Variants in LAP3 observed in about 807,000 individuals in gnomAD.
LAP3 encodes the protein cytosol aminopeptidase.
In LAP3, 46 loss-of-function variants were observed where a neutral mutation model predicts 58.8. The observed-to-expected ratio is 0.78, with a 90% CI of 0.62 to 1.00. The LOEUF (loss-of-function observed/expected upper bound fraction) is 1.00, where lower values mean the gene tolerates loss of function less well. Among genes scored for constraint, LAP3 ranks in the 50% least tolerant of loss-of-function variants. The pLI is 0.00. For synonymous variants in LAP3, 257 were observed against 237.7 expected (o/e 1.08, Z -0.75); for missense variants, 615 against 659.1 (o/e 0.93, Z 0.73).
chr4:17,601,393 T>A (rs1577225223), intron 10 of LAP3, among the ~76,000 whole-genome samples: 1 of 152,336 alleles, frequency 6.6e-6, no homozygotes, highest in East Asian at 1.9e-4. Context: ...GTCTGCCATT[T>A]TTTATTACTT....
intron 6 of LAP3, among the ~76,000 whole-genome samples, chr4:17,586,676 G>A (rs150581290): frequency 6.6e-5 from 10 of 152,278 alleles, no homozygotes; most frequent in African/African-American, 2.4e-4. Context: ...AGAATATGAA[G>A]CTGCTGGTGC....
At chr4:17,583,786 A>G in intron 5 of LAP3, 144 bp downstream of exon 5, 1 of 831,966 alleles carries the variant, frequency 1.2e-6, no homozygotes. Context: ...CCATTTTAAT[A>G]ATGTGGTCAA....
At chr4:17,581,693 A>G (rs1026458141) in intron 2 of LAP3, 67 bp from the exon 3 acceptor site, 1 of 1,191,508 alleles carries the variant, frequency 8.4e-7, no homozygotes, top group African/African-American at 1.5e-5. Context: ...CCGAGTATGT[A>G]AGTGTGCCTT....
intron 4 of LAP3, 82 bp downstream of exon 4, chr4:17,582,475 C>G (rs140645310): frequency 1.9e-6 from 2 of 1,034,070 alleles, no homozygotes; most frequent in Non-Finnish European, 2.9e-6. Context: ...GTCCTTTTAC[C>G]AGTTGCCACC....
chr4:17,582,318 G>C lies in LAP3; in HGVS notation c.304G>C (p.Gly102Arg). 6.2e-7 allele frequency: 1 copy of C among 1,614,090 alleles called. No homozygotes were observed. Among genetic ancestry groups the C allele is most frequent in the Non-Finnish European group, 8.5e-7 (1 of 1,180,006 alleles). ...DFPSVVLVGLGKKAAGIDEQE... is the reference protein window; with the variant it reads ...DFPSVVLVGLRKKAAGIDEQE... The stretch of plus-strand genomic sequence containing the variant: ...CCCCAGCGTGGTGCTAGTTGGCCTC[G>C]GCAAAAAGGCAGCTGGAATCGACGA... Residue 102 changes from glycine to arginine, a missense_variant, in exon 4 of 13, where the codon GGC becomes CGC. Coordinates refer to ENST00000226299, the MANE Select transcript of LAP3 (RefSeq NM_015907.3).
chr4:17,581,523 G>A (rs556732559), intron 2 of LAP3, among the ~76,000 whole-genome samples: 1 of 151,814 alleles, frequency 6.6e-6, no homozygotes, highest in East Asian at 1.9e-4. Context: ...AGGATTGCTT[G>A]AGCATAGGAG....
chr4:17,584,923 A>T (rs777523427), intron 5 of LAP3, 49 bp from the exon 6 acceptor site: 2 of 1,577,666 alleles, frequency 1.3e-6, no homozygotes, highest in African/African-American at 1.4e-5. Flanking sequence ...GCAGGCAGTC[A>T]GCGTTCTTGA....
intron 12 of LAP3, 87 bp downstream of exon 12, chr4:17,607,025 G>T (rs983645765): frequency 6.4e-6 from 5 of 784,054 alleles, no homozygotes; most frequent in Admixed American, 5.5e-5. Flanking sequence ...TTATATAAAA[G>T]GTTTAACTAT....
At position 17,579,871 on chromosome 4, in the gene LAP3, A is replaced by G. The variant is rs199996437; in HGVS notation, c.150A>G (p.Pro50=). 6.8e-6 allele frequency: 11 copies of G among 1,610,982 alleles called. No individual in the cohort carries two copies. Among genetic ancestry groups the G allele is most frequent in the East Asian group, 4.5e-5 (2 of 44,546 alleles). ...IYSKEKEDDV[P]QFTSAGENFD... ...CCAAAGAAAAAGAAGATGATGTGCC[A>G]CAGTTCACAAGTGCAGGAGAGAATT... The change falls in exon 2 of 13, where the codon CCA becomes CCG. Residue 50 remains proline (P), a synonymous_variant. Coordinates refer to ENST00000226299, the MANE Select transcript of LAP3 (RefSeq NM_015907.3).
chr4:17,593,700 C>T (rs571573444), intron 7 of LAP3, among the ~76,000 whole-genome samples: 1 of 149,636 alleles, frequency 6.7e-6, no homozygotes, highest in Non-Finnish European at 1.5e-5. Context: ...CAGCCTCGAC[C>T]TCCCTGGGCT....
At chr4:17,596,110 A>G (rs1713820190) in intron 8 of LAP3, among the ~76,000 whole-genome samples, 1 of 152,178 alleles carries the variant, frequency 6.6e-6, no homozygotes, top group Non-Finnish European at 1.5e-5. Context: ...GGAAGGTAGA[A>G]TTGGAATCCA....
intron 6 of LAP3, chr4:17,587,334 A>C (rs1212578350): frequency 6.6e-6 from 1 of 152,222 alleles, no homozygotes; most frequent in African/African-American, 2.4e-5. Context: ...TCAGAGAAAC[A>C]CAGGCAGTTC....
intron 10 of LAP3, 53 bp downstream of exon 10, chr4:17,598,611 A>C (rs772600394): frequency 4.6e-6 from 6 of 1,303,394 alleles, no homozygotes; most frequent in Non-Finnish European, 6.7e-6. Flanking sequence ...TGTTCGTTGC[A>C]TGGATTTCAC....
At chr4:17,605,110 C>G (rs897250816) in intron 11 of LAP3, among the ~76,000 whole-genome samples, 2 of 131,676 alleles carry the variant, frequency 1.5e-5, no homozygotes, top group Non-Finnish European at 3.1e-5. Context: ...CAGCAGTCAC[C>G]CTCACTTCCA....
intron 5 of LAP3, among the ~76,000 whole-genome samples, chr4:17,584,565 T>A (rs1713453332): frequency 6.6e-6 from 1 of 152,240 alleles, no homozygotes; most frequent in Non-Finnish European, 1.5e-5. Flanking sequence ...TGCCATACGC[T>A]TGCTTTGCAG....
At chr4:17,578,318 G>T (rs1345006158) in intron 1 of LAP3, among the ~76,000 whole-genome samples, 1 of 152,212 alleles carries the variant, frequency 6.6e-6, no homozygotes, top group African/African-American at 2.4e-5. Context: ...GCTATCTCCA[G>T]TACTGTGCCA....
intron 11 of LAP3, among the ~76,000 whole-genome samples, chr4:17,605,359 G>A (rs964663313): frequency 2.0e-5 from 3 of 152,148 alleles, no homozygotes; most frequent in African/African-American, 7.2e-5. Context: ...TTCAATTCAA[G>A]GCCATAGGCT....
At chr4:17,582,223 A>C in intron 3 of LAP3, 65 bp from the exon 4 acceptor site, 1 of 1,327,604 alleles carries the variant, frequency 7.5e-7, no homozygotes, top group Non-Finnish European at 1.1e-6. Context: ...CACATGTAGA[A>C]TTCCTTGCTG....
intron 9 of LAP3, 36 bp from the exon 10 acceptor site, chr4:17,598,420 T>C (rs528585544): frequency 6.9e-7 from 1 of 1,455,628 alleles, no homozygotes; most frequent in South Asian, 1.1e-5. Flanking sequence ...ATTCTTTACT[T>C]GCGCTGTCAC....
Sources: gnomAD v4.1 joint callset for allele counts (sites outside exome capture counted in the v4.1 genomes callset) on GRCh38, gnomAD v4.1.1 for gene constraint, MANE v1.5 for transcripts, NCBI Gene and HGNC (gene_info 2026-07-23, HGNC 2026-07-21) for gene names.